Variants in PTPRN2 observed in about 807,000 individuals in gnomAD.
PTPRN2 encodes the protein protein tyrosine phosphatase receptor type N2.
Under a neutral mutation model 118.8 loss-of-function variants are expected in PTPRN2, and 74 were observed. The observed-to-expected ratio is 0.62, with a 90% CI of 0.52 to 0.76. PTPRN2 has a LOEUF of 0.76. Among genes scored for constraint, PTPRN2 ranks in the 30% least tolerant of loss-of-function variants. PTPRN2 has a pLI of 0.00. For missense variants in PTPRN2, 1,481 were observed against 1,394.4 expected, an observed-to-expected ratio of 1.06 and a Z score of -0.99; for synonymous variants, 641 against 608.0, an observed-to-expected ratio of 1.05 and a Z score of -0.80.
At chr7:158,558,374 C>G (rs1315183648) in intron 1 of PTPRN2, among the ~76,000 whole-genome samples, 1 of 152,214 alleles carries the variant, frequency 6.6e-6, no homozygotes, top group African/African-American at 2.4e-5. Flanking sequence ...TGGATTGTCT[C>G]TAGCCTATGG....
intron 12 of PTPRN2, among the ~76,000 whole-genome samples, chr7:157,789,231 C>T (rs554973857): frequency 2.6e-5 from 4 of 152,178 alleles, no homozygotes; most frequent in Admixed American, 6.5e-5. Flanking sequence ...ACTTTGAAAG[C>T]AACACAACAA....
At chr7:158,146,534 A>G (rs1298200125) in intron 6 of PTPRN2, among the ~76,000 whole-genome samples, 1 of 152,018 alleles carries the variant, frequency 6.6e-6, no homozygotes, top group Non-Finnish European at 1.5e-5. Context: ...ATCCTGACTA[A>G]CATGGTGAAA....
At chr7:158,535,987 G>T (rs1411338525) in intron 1 of PTPRN2, among the ~76,000 whole-genome samples, 1 of 149,682 alleles carries the variant, frequency 6.7e-6, no homozygotes, top group East Asian at 2.0e-4. Flanking sequence ...CCAAAAGGTT[G>T]GGACCTTACT....
chr7:158,324,013 A>C (rs1258438544), intron 2 of PTPRN2, among the ~76,000 whole-genome samples: 1 of 138,966 alleles, frequency 7.2e-6, no homozygotes, highest in Non-Finnish European at 1.5e-5. Context: ...GCACTTGATT[A>C]TGCAGACACA....
chr7:158,402,168 T>C (rs770354882), intron 2 of PTPRN2, among the ~76,000 whole-genome samples: 11 of 151,974 alleles, frequency 7.2e-5, no homozygotes, highest in Non-Finnish European at 1.3e-4. Flanking sequence ...GACAGCCCGG[T>C]GGGAGAGTGG....
chr7:157,684,861 C>G (rs1797097008), intron 12 of PTPRN2, among the ~76,000 whole-genome samples: 1 of 151,960 alleles, frequency 6.6e-6, no homozygotes, highest in Non-Finnish European at 1.5e-5. Flanking sequence ...CCTCCTGGGC[C>G]GGCGCGAGGG....
At chr7:158,131,204 A>G (rs1351374965) in intron 9 of PTPRN2, among the ~76,000 whole-genome samples, 2 of 151,750 alleles carry the variant, frequency 1.3e-5, no homozygotes, top group Non-Finnish European at 2.9e-5. Context: ...ATACACACTC[A>G]TATACACACA....
chr7:157,781,236 T>G (rs1399694952), intron 12 of PTPRN2, among the ~76,000 whole-genome samples: 5 of 152,190 alleles, frequency 3.3e-5, no homozygotes, highest in Admixed American at 3.3e-4. Context: ...ATTTGATATA[T>G]TACACATGGG....
chr7:158,387,523 C>G, intron 2 of PTPRN2, among the ~76,000 whole-genome samples: 1 of 152,306 alleles, frequency 6.6e-6, no homozygotes, highest in South Asian at 2.1e-4. Context: ...GGAAAGCACT[C>G]TCTGGGTCCT....
chr7:157,702,004 G>C (rs1310632608), intron 12 of PTPRN2, among the ~76,000 whole-genome samples: 1 of 151,112 alleles, frequency 6.6e-6, no homozygotes, highest in Admixed American at 6.6e-5. Context: ...GGTAGGTGCT[G>C]GTGTAACTGA....
Position 157,587,887 on chromosome 7 carries a change from G to A in PTPRN2, c.2496+7351C>T, listed in dbSNP as rs1006006697. 6.6e-6 allele frequency among the ~76,000 whole-genome samples: 1 copy of A among 151,980 alleles called. No individual in the cohort carries two copies. The highest frequency in any genetic ancestry group is 6.5e-5 in the Admixed American group (1 of 15,278). On this transcript the variant is annotated intron_variant, in intron 17 of 22. Coordinates refer to ENST00000389418, the MANE Select transcript of PTPRN2 (RefSeq NM_002847.5). This position sits in a 1 kb window ranked among gnomAD's most constrained non-coding sequence, Gnocchi z 5.3. Reference sequence around the variant, plus strand: ...CCGTGGTGGCTCTCCCCATGCCTGGGTTCCCAAGGTGGCTGTCCCCGTGCC... The same window carrying A: ...CCGTGGTGGCTCTCCCCATGCCTGGATTCCCAAGGTGGCTGTCCCCGTGCC...
At chr7:157,644,804 A>AC (rs200483719) in intron 14 of PTPRN2, among the ~76,000 whole-genome samples, 6 of 105,956 alleles carry the variant, frequency 5.7e-5, no homozygotes, top group Admixed American at 4.9e-4. Flanking sequence ...TCAAAAAACA[A>AC]AAAAAAAAAA....
chr7:158,558,252 C>T (rs1366060038), intron 1 of PTPRN2, among the ~76,000 whole-genome samples: 1 of 152,228 alleles, frequency 6.6e-6, no homozygotes, highest in African/African-American at 2.4e-5. Flanking sequence ...TCCCAAAGTG[C>T]TGGGATTACA....
rs61232862 is a variant in PTPRN2, at chr7:157,674,764, C to T, written c.2001+7961G>A. On this transcript the variant is annotated intron_variant, in intron 13 of 22. Transcript: ENST00000389418. This position sits in a 1 kb window ranked among gnomAD's most constrained non-coding sequence, Gnocchi z 4.5. ...TCTGTACACGCCTGTGGAGTCCCAC[C>T]CTGTCGTGTGCACGAGGCTGTCACC... is the stretch of plus-strand genomic sequence containing the variant. 0.012 allele frequency among the ~76,000 whole-genome samples: 1,843 copies of T among 152,358 alleles called. 35 individuals carry two copies. The highest frequency in any genetic ancestry group is 0.042 in the African/African-American group (1,767 of 41,582).
chr7:157,867,066 C>A (rs1347400944), intron 12 of PTPRN2, among the ~76,000 whole-genome samples: 2 of 88,996 alleles, frequency 2.2e-5, no homozygotes, highest in African/African-American at 9.5e-5. Flanking sequence ...CCCTGACGCC[C>A]TGGATACACG....
At chr7:157,980,673 C>A (rs1803070502) in intron 11 of PTPRN2, among the ~76,000 whole-genome samples, 1 of 152,196 alleles carries the variant, frequency 6.6e-6, no homozygotes, top group Non-Finnish European at 1.5e-5. Context: ...ATCACTTGAA[C>A]CTGGCTGGGC....
chr7:158,151,578 G>A (rs1458817300), intron 6 of PTPRN2, among the ~76,000 whole-genome samples: 2 of 150,840 alleles, frequency 1.3e-5, no homozygotes, highest in Admixed American at 6.7e-5. Flanking sequence ...GTGGGGTGGT[G>A]GTGGTGGGTG....
intron 5 of PTPRN2, among the ~76,000 whole-genome samples, chr7:158,186,490 T>G (rs972634655): frequency 1.3e-5 from 2 of 152,166 alleles, no homozygotes; most frequent in East Asian, 3.9e-4. Context: ...GCCGTCCTCT[T>G]GGAAGCCCAC....
At position 157,596,949 on chromosome 7, in the gene PTPRN2, C is replaced by T. The variant is rs1376260496; in HGVS notation, c.2419-1634G>A. 2.0e-5 allele frequency among the ~76,000 whole-genome samples: 3 copies of T among 152,156 alleles called. No homozygotes were observed. Among genetic ancestry groups the T allele is most frequent in the African/African-American group, 7.2e-5 (3 of 41,414 alleles). On this transcript the variant is annotated intron_variant, in intron 16 of 22. Transcript: ENST00000389418. This position sits in a 1 kb window ranked among gnomAD's most constrained non-coding sequence, Gnocchi z 4.2. The stretch of plus-strand genomic sequence containing the variant: ...AACGCACGAGGACATCAGTGGTGGC[C>T]CCGGTGCTACCTTAAGTGCTGCTGC...
Sources: allele counts gnomAD v4.1 joint callset (sites outside exome capture counted in the v4.1 genomes callset), GRCh38; gene constraint gnomAD v4.1.1; non-coding constraint Gnocchi (gnomAD v3.1); transcripts MANE v1.5; gene names NCBI Gene and HGNC (gene_info 2026-07-23, HGNC 2026-07-21).